Variants in RREB1 observed in about 807,000 individuals in gnomAD.
The protein encoded by RREB1 is ras-responsive element-binding protein 1.
A neutral mutation model predicts 117.8 loss-of-function variants in RREB1; 27 were observed. The ratio of observed to expected loss-of-function variants is 0.23; its 90% CI spans 0.17 to 0.32. The LOEUF (loss-of-function observed/expected upper bound fraction) is 0.32. Ranked by LOEUF, RREB1 falls within the 10% of genes least tolerant of loss-of-function variation. The probability of loss-of-function intolerance (pLI) is 1.00; values close to 1 mark genes in which losing one functional copy is unlikely to be tolerated. For synonymous variants in RREB1, 1,298 were observed against 1,026.7 expected (o/e 1.26, Z -5.05); for missense variants, 2,577 against 2,378.2 (o/e 1.08, Z -1.74).
intron 8 of RREB1, chr6:7,214,911 CTG>C (rs1369247752): frequency 6.6e-6 from 1 of 152,244 alleles, no homozygotes; most frequent in Non-Finnish European, 1.5e-5. Flanking sequence ...CTCCACTCCA[CTG>C]TGTTTCAAAT....
At chr6:7,220,209 A>G (rs569992535) in intron 8 of RREB1, among the ~76,000 whole-genome samples, 1 of 152,346 alleles carries the variant, frequency 6.6e-6, no homozygotes, top group Admixed American at 6.5e-5. Flanking sequence ...TTACAGAAAC[A>G]CTGGCCAACG....
At chr6:7,236,564 A>G (rs1768331777) in intron 10 of RREB1, among the ~76,000 whole-genome samples, 1 of 152,200 alleles carries the variant, frequency 6.6e-6, no homozygotes, top group Admixed American at 6.5e-5. Context: ...ATACCAAAAG[A>G]AAGAAACCTG....
chr6:7,167,668 C>T (rs559039302), intron 1 of RREB1, among the ~76,000 whole-genome samples: 2 of 152,292 alleles, frequency 1.3e-5, no homozygotes, highest in South Asian at 2.1e-4. Context: ...TCAAGGTGAG[C>T]TCCTGCCTTC....
At chr6:7,221,411 A>G (rs1581559148) in intron 8 of RREB1, among the ~76,000 whole-genome samples, 3 of 151,990 alleles carry the variant, frequency 2.0e-5, no homozygotes, top group East Asian at 1.9e-4. Flanking sequence ...TGACCTCATG[A>G]TCCACCCGCC....
At chr6:7,200,910 ATT>A (rs1765937776) in intron 6 of RREB1, among the ~76,000 whole-genome samples, 1 of 152,196 alleles carries the variant, frequency 6.6e-6, no homozygotes, top group Non-Finnish European at 1.5e-5. Flanking sequence ...TGCAAAATAA[ATT>A]TTATCTTTAA....
Position 7,249,087 on chromosome 6 carries a change from GA to G in RREB1, c.*120del. ...TGAGAGAGAGAGAGAGAGAGAGAGAGAGAGAGAGAGAGAGAGACAAGCAGGA... is the reference window on the plus strand; with the variant it reads ...TGAGAGAGAGAGAGAGAGAGAGAGAGGAGAGAGAGAGAGAGACAAGCAGGA... On this transcript the variant is annotated 3_prime_UTR_variant, in exon 13 of 13. Coordinates refer to ENST00000379938, the MANE Select transcript of RREB1 (RefSeq NM_001003699.4). The G allele has an allele frequency of 1.3e-6, 1 of 790,042 alleles. No individual in the cohort carries two copies. The highest frequency in any genetic ancestry group is 1.9e-6 in the Non-Finnish European group (1 of 517,862). 48.9% of individuals were successfully genotyped at this position (790,042 alleles called of 1,614,324 possible). A position where few individuals can be genotyped will look rare whatever the true frequency, so the allele number is the denominator to read the frequency against.
At chr6:7,157,256 A>G (rs1763415990) in intron 1 of RREB1, among the ~76,000 whole-genome samples, 1 of 151,664 alleles carries the variant, frequency 6.6e-6, no homozygotes, top group African/African-American at 2.4e-5. Flanking sequence ...AACATGGTGA[A>G]ACCCTGTCTC....
rs868413618 is a variant in RREB1 at position 7,135,029 on chromosome 6, C to T, written c.-285+26969C>T. On this transcript the variant is annotated intron_variant, in intron 1 of 12. Coordinates refer to ENST00000379938, the MANE Select transcript of RREB1 (RefSeq NM_001003699.4). ...AGCCAGATTGTAAGAAACATTTGGA[C>T]ATACTTAATGACTCTCCCTTGGCCC... is the stretch of plus-strand genomic sequence containing the variant. Among the ~76,000 whole-genome samples the T allele has an allele frequency of 2.6e-4, 39 of 152,306 alleles. No homozygotes were observed. The Middle Eastern group carries it at 0.01, about 40-fold the overall frequency.
At chr6:7,122,116 G>A (rs951220392) in intron 1 of RREB1, among the ~76,000 whole-genome samples, 7 of 152,112 alleles carry the variant, frequency 4.6e-5, no homozygotes, top group East Asian at 1.9e-4. Context: ...AATATCATCC[G>A]AATAACTCAT....
intron 1 of RREB1, among the ~76,000 whole-genome samples, chr6:7,127,403 G>T (rs1761985533): frequency 6.6e-6 from 1 of 152,070 alleles, no homozygotes; most frequent in Admixed American, 6.5e-5. Context: ...CCCAGGATAT[G>T]TGGGCTGCCT....
chr6:7,110,185 G>A (rs888339071), intron 1 of RREB1, among the ~76,000 whole-genome samples: 2 of 152,186 alleles, frequency 1.3e-5, no homozygotes, highest in South Asian at 4.1e-4. Context: ...TGAAGTGGAA[G>A]GTGGGGAAAA....
chr6:7,234,455 C>T (rs1375445823), intron 10 of RREB1, among the ~76,000 whole-genome samples: 2 of 152,088 alleles, frequency 1.3e-5, no homozygotes, highest in African/African-American at 4.8e-5. Context: ...TTTGCAGGTG[C>T]CTGATATGTG....
intron 6 of RREB1, among the ~76,000 whole-genome samples, chr6:7,200,369 A>C (rs911316498): frequency 1.5e-4 from 22 of 150,900 alleles, no homozygotes; most frequent in Admixed American, 6.6e-5. Flanking sequence ...TCCTGGGTTC[A>C]AGCAATTCTC....
Position 7,248,954 on chromosome 6 carries a change from G to C in RREB1, c.5215G>C (p.Val1739Leu), listed in dbSNP as rs764408301. The C allele has an allele frequency of 1.1e-4, 157 of 1,486,650 alleles. No individual in the cohort carries two copies. Among genetic ancestry groups the C allele is most frequent in the Non-Finnish European group, 1.3e-4 (144 of 1,121,570 alleles). 92.1% of individuals were successfully genotyped at this position (1,486,650 alleles called of 1,614,324 possible). Reference protein sequence around the residue: ...LATADGASQLVGME With the variant: ...LATADGASQLLGME ...CACAGCTGATGGCGCCTCCCAGCTC[G>C]TGGGGATGGAGTGACAGCCTCAGTC... is the stretch of plus-strand genomic sequence containing the variant. The change falls in exon 13 of 13, where the codon GTG (valine) becomes CTG (leucine). Residue 1739 changes from valine to leucine, a missense_variant. Coordinates refer to ENST00000379938, the MANE Select transcript of RREB1 (RefSeq NM_001003699.4).
intron 10 of RREB1, among the ~76,000 whole-genome samples, chr6:7,234,134 T>G (rs948158644): frequency 6.6e-6 from 1 of 152,214 alleles, no homozygotes; most frequent in African/African-American, 2.4e-5. Context: ...TAAAATAGTT[T>G]AAGCCTGACA....
intron 1 of RREB1, among the ~76,000 whole-genome samples, chr6:7,166,083 G>A (rs1763914350): frequency 6.6e-6 from 1 of 152,140 alleles, no homozygotes; most frequent in East Asian, 1.9e-4. Context: ...CCCCCAGGGA[G>A]TGCAGTTGTG....
intron 1 of RREB1, among the ~76,000 whole-genome samples, chr6:7,130,785 T>C (rs1036930037): frequency 1.3e-5 from 2 of 151,920 alleles, no homozygotes; most frequent in Non-Finnish European, 2.9e-5. Context: ...CCCAGCTAAC[T>C]TTTGTATGTT....
intron 9 of RREB1, among the ~76,000 whole-genome samples, chr6:7,227,505 C>T (rs1218851293): frequency 4.0e-5 from 6 of 151,488 alleles, no homozygotes; most frequent in African/African-American, 1.5e-4. Context: ...CGCGCCACTG[C>T]ACTCCAGCCT....
Position 7,164,139 on chromosome 6 carries a change from T to TA in RREB1, c.-284-12507dup, listed in dbSNP as rs568897962. Among the ~76,000 whole-genome samples the TA allele has an allele frequency of 1.2e-3, 179 of 151,416 alleles. 1 individual carries two copies. Among genetic ancestry groups the TA allele is most frequent in the Non-Finnish European group, 1.9e-3 (129 of 67,770 alleles). On this transcript the variant is annotated intron_variant, in intron 1 of 12. Transcript: ENST00000379938. ...CTGACTCATCTATTATCTAGACTCA[T>TA]AAAAAAAAAGATCCTAAAAAATACT...
Sources: gnomAD v4.1 joint callset for allele counts (sites outside exome capture counted in the v4.1 genomes callset) on GRCh38, gnomAD v4.1.1 for gene constraint, MANE v1.5 for transcripts, NCBI Gene and HGNC (gene_info 2026-07-23, HGNC 2026-07-21) for gene names.